Variants in ZNF385B observed in about 807,000 individuals in gnomAD.
The protein encoded by ZNF385B is zinc finger protein 385B.
ZNF385B carries 23 observed loss-of-function variants against 39.2 expected under a neutral mutation model. The ratio of observed to expected loss-of-function variants is 0.59; its 90% CI spans 0.42 to 0.83. The LOEUF is 0.83. Ranked by LOEUF, ZNF385B falls within the 40% of genes least tolerant of loss-of-function variation. The probability of loss-of-function intolerance (pLI) is 0.00; values close to 1 mark genes in which losing one functional copy is unlikely to be tolerated. For synonymous variants in ZNF385B, 205 were observed against 222.6 expected (o/e 0.92, Z 0.70); for missense variants, 552 against 598.9 (o/e 0.92, Z 0.82).
intron 3 of ZNF385B, among the ~76,000 whole-genome samples, chr2:179,589,954 C>T (rs775695454): frequency 1.4e-4 from 21 of 152,114 alleles, no homozygotes; most frequent in South Asian, 2.1e-4. Context: ...TTCATTAAAC[C>T]GTCACCAAAG....
At chr2:179,750,420 T>C (rs1313376777) in intron 3 of ZNF385B, among the ~76,000 whole-genome samples, 1 of 152,138 alleles carries the variant, frequency 6.6e-6, no homozygotes, top group Non-Finnish European at 1.5e-5. Context: ...CAGTGATCAA[T>C]TCTCAGTAAG....
At chr2:179,493,708 C>CATATGTGTAT (rs2055684355) in intron 5 of ZNF385B, among the ~76,000 whole-genome samples, 1 of 66,232 alleles carries the variant, frequency 1.5e-5, no homozygotes, top group Non-Finnish European at 3.5e-5. Context: ...TATATGTATA[C>CATATGTGTAT]ACATATGCAT....
At chr2:179,522,493 A>C (rs1432481865) in intron 4 of ZNF385B, among the ~76,000 whole-genome samples, 1 of 146,822 alleles carries the variant, frequency 6.8e-6, no homozygotes, top group Non-Finnish European at 1.5e-5. Context: ...AAAATGTGAT[A>C]AATGCAAGTA....
At chr2:179,698,101 T>A (rs563568033) in intron 3 of ZNF385B, among the ~76,000 whole-genome samples, 23 of 151,990 alleles carry the variant, frequency 1.5e-4, no homozygotes, top group Non-Finnish European at 3.1e-4. Context: ...AATGACGAGT[T>A]AATGGGTGCA....
chr2:179,657,242 T>G (rs1021206340), intron 3 of ZNF385B, among the ~76,000 whole-genome samples: 12 of 152,172 alleles, frequency 7.9e-5, no homozygotes, highest in Non-Finnish European at 1.6e-4. Context: ...GAAAACTTAG[T>G]CATAAGCCAC....
chr2:179,573,739 G>T (rs923671825), intron 3 of ZNF385B, among the ~76,000 whole-genome samples: 2 of 152,168 alleles, frequency 1.3e-5, no homozygotes, highest in Middle Eastern at 3.4e-3. Flanking sequence ...AGCTTTCAAG[G>T]CTTCATAAGT....
chr2:179,747,846 A>G (rs2106463476), intron 3 of ZNF385B, among the ~76,000 whole-genome samples: 1 of 152,218 alleles, frequency 6.6e-6, no homozygotes, highest in East Asian at 1.9e-4. Flanking sequence ...CAACAACTCT[A>G]TAATCAGACA....
intron 3 of ZNF385B, among the ~76,000 whole-genome samples, chr2:179,713,057 G>A (rs1700106000): frequency 6.6e-6 from 1 of 152,160 alleles, no homozygotes. Context: ...GGACTGTGTT[G>A]CCAGATGATT....
At chr2:179,492,027 A>G (rs1437924506) in intron 5 of ZNF385B, among the ~76,000 whole-genome samples, 3 of 152,150 alleles carry the variant, frequency 2.0e-5, no homozygotes, top group African/African-American at 7.2e-5. Flanking sequence ...ATGACACAAA[A>G]TATTATAATT....
At chr2:179,683,477 ATTT>A (rs769818144) in intron 3 of ZNF385B, among the ~76,000 whole-genome samples, 4 of 141,196 alleles carry the variant, frequency 2.8e-5, no homozygotes, top group South Asian at 2.3e-4. Flanking sequence ...ACATTTTTGA[ATTT>A]TTTTTTTTTT....
chr2:179,796,317 C>T (rs1575506634), intron 1 of ZNF385B: 1 of 152,108 alleles, frequency 6.6e-6, no homozygotes, highest in East Asian at 1.9e-4. Context: ...GAGCTATCCC[C>T]CTGGGGCAAC....
chr2:179,640,411 G>A lies in ZNF385B; in HGVS notation c.299-95442C>T, dbSNP rs185411627. On this transcript the variant is annotated intron_variant, in intron 3 of 9. Transcript: ENST00000410066. ...CAAATGATTCAGCATGAGTATATAC[G>A]CATATTAATGATATATAAATGTATG... Among the ~76,000 whole-genome samples the A allele has an allele frequency of 8.5e-5, 13 of 152,058 alleles. No homozygotes were observed. In the East Asian group the frequency reaches 1.2e-3, roughly 14 times the overall value.
chr2:179,581,899 C>T (rs1200259075), intron 3 of ZNF385B, among the ~76,000 whole-genome samples: 19 of 152,114 alleles, frequency 1.2e-4, no homozygotes. Context: ...ACTGGGCTCC[C>T]GATAAGCTGT....
intron 3 of ZNF385B, among the ~76,000 whole-genome samples, chr2:179,747,484 T>C (rs1026016694): frequency 2.0e-5 from 3 of 152,148 alleles, no homozygotes; most frequent in African/African-American, 7.2e-5. Flanking sequence ...TTGGGCATCA[T>C]TGACTTTGCA....
intron 3 of ZNF385B, among the ~76,000 whole-genome samples, chr2:179,589,747 A>G (rs1468321661): frequency 1.3e-5 from 2 of 152,180 alleles, no homozygotes; most frequent in Non-Finnish European, 2.9e-5. Flanking sequence ...AGACACCATC[A>G]GTTTAGTCAC....
intron 1 of ZNF385B, among the ~76,000 whole-genome samples, chr2:179,821,823 C>T (rs1707413947): frequency 6.6e-6 from 1 of 151,938 alleles, no homozygotes; most frequent in South Asian, 2.1e-4. Context: ...TCTGATTATC[C>T]TAATGAAATG....
intron 5 of ZNF385B, among the ~76,000 whole-genome samples, chr2:179,513,696 G>A (rs978571198): frequency 1.1e-4 from 17 of 152,198 alleles, no homozygotes; most frequent in African/African-American, 3.6e-4. Context: ...CAGAGGTACT[G>A]TGGAAATGAT....
intron 5 of ZNF385B, among the ~76,000 whole-genome samples, chr2:179,502,208 G>C (rs1014044026): frequency 1.6e-4 from 24 of 152,194 alleles, no homozygotes; most frequent in Non-Finnish European, 7.3e-5. Flanking sequence ...GAAGGGACTT[G>C]CCTTGTCTCA....
chr2:179,740,007 T>C (rs1296128470), intron 3 of ZNF385B, among the ~76,000 whole-genome samples: 1 of 152,124 alleles, frequency 6.6e-6, no homozygotes, highest in Non-Finnish European at 1.5e-5. Flanking sequence ...TAATAAAAAA[T>C]ACAGAAAGTA....
Sources: allele counts gnomAD v4.1 joint callset (sites outside exome capture counted in the v4.1 genomes callset), GRCh38; gene constraint gnomAD v4.1.1; transcripts MANE v1.5; gene names NCBI Gene and HGNC (gene_info 2026-07-23, HGNC 2026-07-21).